Variants in MYO5B observed in about 807,000 individuals in gnomAD.
MYO5B encodes the protein myosin VB, also known as unconventional myosin-Vb.
Under a neutral mutation model 229.3 loss-of-function variants are expected in MYO5B, and 143 were observed. That is an observed-to-expected ratio of 0.62 (90% CI 0.54 to 0.72). The LOEUF is 0.72. Ranked by LOEUF, MYO5B falls within the 30% of genes least tolerant of loss-of-function variation. The pLI, the probability that MYO5B is intolerant of heterozygous loss-of-function variation, is 0.00. For synonymous variants in MYO5B, 918 were observed against 885.2 expected, an observed-to-expected ratio of 1.04 and a Z score of -0.66; for missense variants, 2,321 against 2,331.0, an observed-to-expected ratio of 1.00 and a Z score of 0.09.
At chr18:49,989,612 G>T (rs114446840) in intron 7 of MYO5B, among the ~76,000 whole-genome samples, 1 of 152,220 alleles carries the variant, frequency 6.6e-6, no homozygotes, top group East Asian at 1.9e-4. Context: ...CACAGAGAAG[G>T]GCCAAAGGCT....
intron 35 of MYO5B, 91 bp from the exon 36 acceptor site, chr18:49,839,385 G>C: frequency 6.8e-7 from 1 of 1,472,704 alleles, no homozygotes; most frequent in Non-Finnish European, 9.4e-7. Flanking sequence ...TCATCTATTT[G>C]GTGGGCAGGG....
chr18:49,915,440 C>T (rs2025003027), intron 17 of MYO5B, among the ~76,000 whole-genome samples: 2 of 152,192 alleles, frequency 1.3e-5, no homozygotes, highest in African/African-American at 4.8e-5. Flanking sequence ...TTTACAAGGC[C>T]CTGCTCATCA....
rs114870629 is a variant in MYO5B at position 49,912,316 on chromosome 18, G to A, written c.2091-143C>T. ...AGAGCAGCAAAGAACAGTCCCAGGG[G>A]AGTTTTGTCCTCCCCAGTGCCCTCC... is the stretch of plus-strand genomic sequence containing the variant. On this transcript the variant is annotated intron_variant, in intron 17 of 39. Coordinates refer to ENST00000285039, the MANE Select transcript of MYO5B (RefSeq NM_001080467.3). The A allele has an allele frequency of 2.0e-3, 1,476 of 728,616 alleles. 21 individuals carry two copies. The African/African-American group carries it at 0.024, about 12-fold the overall frequency. 45.1% of individuals were successfully genotyped at this position (728,616 alleles called of 1,614,324 possible).
intron 27 of MYO5B, among the ~76,000 whole-genome samples, chr18:49,865,429 G>A (rs1332539654): frequency 6.6e-6 from 1 of 152,140 alleles, no homozygotes; most frequent in South Asian, 2.1e-4. Flanking sequence ...GATTAATAAT[G>A]ATCATTGATG....
At chr18:49,900,395 G>A (rs539122958) in intron 21 of MYO5B, among the ~76,000 whole-genome samples, 17 of 152,282 alleles carry the variant, frequency 1.1e-4, no homozygotes, top group African/African-American at 3.4e-4. Context: ...CCTGTGCCTG[G>A]GCTCTCTGCT....
intron 1 of MYO5B, among the ~76,000 whole-genome samples, chr18:50,140,932 GT>G (rs1349494371): frequency 2.0e-5 from 3 of 152,256 alleles, no homozygotes; most frequent in Non-Finnish European, 4.4e-5. Flanking sequence ...CATGAAACGT[GT>G]TACTTTCCTG....
chr18:50,021,517 A>G (rs1450265211), intron 4 of MYO5B, among the ~76,000 whole-genome samples: 2 of 152,110 alleles, frequency 1.3e-5, no homozygotes, highest in African/African-American at 4.8e-5. Flanking sequence ...GAGGCAAGAG[A>G]GAGAAAAGAG....
Position 49,853,624 on chromosome 18 carries a change from G to T in MYO5B, c.4046C>A (p.Ala1349Asp). ...CTCCTCCTCATGCTCCAGGCTCTGG[G>T]CCTGCAGCTGAGCCTCCAGCAGCCT... ...VARLLEAQLQ[A>D]QSLEHEEEVE... Residue 1349 changes from alanine to aspartate, a missense_variant, in exon 31 of 40, where the codon GCC becomes GAC. Coordinates refer to ENST00000285039, the MANE Select transcript of MYO5B (RefSeq NM_001080467.3). 6.2e-7 allele frequency: 1 copy of T among 1,613,286 alleles called. No homozygotes were observed.
intron 1 of MYO5B, among the ~76,000 whole-genome samples, chr18:50,129,422 G>T (rs970278010): frequency 2.0e-5 from 3 of 152,148 alleles, no homozygotes; most frequent in African/African-American, 7.2e-5. Flanking sequence ...AACAGGAAAT[G>T]AACTCCGATA....
intron 1 of MYO5B, among the ~76,000 whole-genome samples, chr18:50,150,960 T>G (rs1332356235): frequency 6.6e-6 from 1 of 152,252 alleles, no homozygotes; most frequent in Non-Finnish European, 1.5e-5. Context: ...GCAAGGCCTC[T>G]GCCCCTAAAT....
intron 19 of MYO5B, among the ~76,000 whole-genome samples, chr18:49,906,000 C>T (rs551221231): frequency 1.3e-5 from 2 of 152,318 alleles, no homozygotes; most frequent in African/African-American, 4.8e-5. Context: ...ACCTTTGCAG[C>T]CCTAATCACC....
At position 50,177,081 on chromosome 18, in the gene MYO5B, C is replaced by A. The variant is rs756754721; in HGVS notation, c.27+17686G>T. On this transcript the variant is annotated intron_variant, in intron 1 of 39. Coordinates refer to ENST00000285039, the MANE Select transcript of MYO5B (RefSeq NM_001080467.3). ...CATGACACCATTGGTTAAAAAATTC[C>A]AAAACAGTAAAACTAAAACACAATT... 7.2e-5 allele frequency among the ~76,000 whole-genome samples: 11 copies of A among 152,256 alleles called. No homozygotes were observed. The Middle Eastern group carries it at 0.014, about 188-fold the overall frequency.
At position 50,144,609 on chromosome 18, in the gene MYO5B, C is replaced by T. The variant is rs149579567; in HGVS notation, c.27+50158G>A. On this transcript the variant is annotated intron_variant, in intron 1 of 39. Coordinates refer to ENST00000285039, the MANE Select transcript of MYO5B (RefSeq NM_001080467.3). ...CAGTAGCAAATTAACCTGGAAATAA[C>T]CCCCAAAAGACCTTAGGGAAAGACA... Among the ~76,000 whole-genome samples the T allele has an allele frequency of 3.8e-3, 579 of 152,272 alleles. 2 individuals carry two copies. The highest frequency in any genetic ancestry group is 0.012 in the African/African-American group (510 of 41,550).
chr18:49,964,674 TTCTG>T (rs2025601967), intron 10 of MYO5B, among the ~76,000 whole-genome samples: 1 of 152,246 alleles, frequency 6.6e-6, no homozygotes, highest in African/African-American at 2.4e-5. Context: ...CTCAACATTT[TTCTG>T]TCTGACTGTA....
At chr18:49,893,359 C>A (rs2024738122) in intron 22 of MYO5B, among the ~76,000 whole-genome samples, 1 of 152,178 alleles carries the variant, frequency 6.6e-6, no homozygotes, top group Non-Finnish European at 1.5e-5. Flanking sequence ...TGGCTTTGGA[C>A]CTCACCTTCT....
chr18:50,078,912 G>C (rs1395970945), intron 1 of MYO5B, among the ~76,000 whole-genome samples: 1 of 152,204 alleles, frequency 6.6e-6, no homozygotes, highest in Non-Finnish European at 1.5e-5. Flanking sequence ...ATACAGCAAT[G>C]AGAAGGAAGA....
chr18:49,871,980 G>A (rs751312658), intron 27 of MYO5B, among the ~76,000 whole-genome samples, 187 bp downstream of exon 27: 1 of 152,180 alleles, frequency 6.6e-6, no homozygotes, highest in Non-Finnish European at 1.5e-5. Flanking sequence ...TATCATTCCT[G>A]TAGTAGATAC....
At chr18:50,005,654 C>T (rs1458569780) in intron 4 of MYO5B, among the ~76,000 whole-genome samples, 1 of 152,148 alleles carries the variant, frequency 6.6e-6, no homozygotes, top group African/African-American at 2.4e-5. Flanking sequence ...TGAGCTCAAG[C>T]AATCTGCCCA....
intron 16 of MYO5B, among the ~76,000 whole-genome samples, chr18:49,935,349 C>T (rs989033544): frequency 1.3e-4 from 20 of 152,214 alleles, no homozygotes; most frequent in African/African-American, 4.1e-4. Flanking sequence ...GATAGCCATG[C>T]GTGACAAGCG....
Sources: gnomAD v4.1 joint callset for allele counts (sites outside exome capture counted in the v4.1 genomes callset) on GRCh38, gnomAD v4.1.1 for gene constraint, MANE v1.5 for transcripts, NCBI Gene and HGNC (gene_info 2026-07-23, HGNC 2026-07-21) for gene names.